Variants in FGF14 observed in about 807,000 individuals in gnomAD.
FGF14 encodes the protein fibroblast growth factor 14.
A neutral mutation model predicts 25.5 loss-of-function variants in FGF14; 5 were observed. The observed-to-expected ratio is 0.20, with a 90% CI of 0.10 to 0.41. FGF14 has a LOEUF of 0.41. FGF14 is among the 10% of genes least tolerant of loss of function. FGF14 has a pLI of 1.00. For synonymous variants in FGF14, 138 were observed against 118.3 expected (o/e 1.17, Z -1.08); for missense variants, 222 against 320.1 (o/e 0.69, Z 2.34).
intron 1 of FGF14, among the ~76,000 whole-genome samples, chr13:102,041,329 A>G (rs2041724690): frequency 6.6e-6 from 1 of 152,084 alleles, no homozygotes; most frequent in South Asian, 2.1e-4. Flanking sequence ...GTTATAGAAT[A>G]AACTTTAGAA....
intron 1 of FGF14, among the ~76,000 whole-genome samples, chr13:102,041,538 AAC>A (rs2041737944): frequency 1.4e-5 from 1 of 71,244 alleles, no homozygotes; most frequent in Non-Finnish European, 3.2e-5. Context: ...AAAAAAAAAA[AAC>A]AGTGTATGTT....
intron 1 of FGF14, among the ~76,000 whole-genome samples, chr13:101,980,745 A>T (rs186658679): frequency 1.3e-5 from 2 of 152,192 alleles, no homozygotes; most frequent in East Asian, 3.9e-4. Flanking sequence ...CTAATATTAC[A>T]TCTACATTTC....
intron 1 of FGF14, among the ~76,000 whole-genome samples, chr13:102,256,338 A>T (rs750731833): frequency 1.3e-5 from 2 of 152,040 alleles, no homozygotes; most frequent in Admixed American, 6.5e-5. Flanking sequence ...ACAAAAAAAA[A>T]TTAAAAAAAA....
intron 1 of FGF14, among the ~76,000 whole-genome samples, chr13:102,326,672 A>AGGGAGGGAAAGGGAGGAGAAGGGAG (rs1566938789): frequency 1.7e-5 from 1 of 60,222 alleles, no homozygotes; most frequent in Non-Finnish European, 3.1e-5. Context: ...AGGGAGGGGA[A>AGGGAGGGAAAGGGAGGAGAAGGGAG]GGGAAGGGAA....
intron 1 of FGF14, among the ~76,000 whole-genome samples, chr13:102,239,563 T>G (rs1318293170): frequency 1.3e-5 from 2 of 152,058 alleles, no homozygotes; most frequent in African/African-American, 4.8e-5. Context: ...AACTGCTAAA[T>G]GGGGAACATG....
At chr13:102,281,708 T>A (rs1038123964) in intron 1 of FGF14, among the ~76,000 whole-genome samples, 1 of 150,442 alleles carries the variant, frequency 6.6e-6, no homozygotes, top group Admixed American at 6.6e-5. Context: ...TTTTTTTTTT[T>A]AAGTTCAGAG....
intron 3 of FGF14, among the ~76,000 whole-genome samples, chr13:101,856,584 A>G (rs2044137286): frequency 6.6e-6 from 1 of 151,966 alleles, no homozygotes; most frequent in South Asian, 2.1e-4. Flanking sequence ...CCATTATTTT[A>G]CCATTTAACA....
At chr13:101,904,585 G>A (rs1175238683) in intron 1 of FGF14, among the ~76,000 whole-genome samples, 2 of 152,198 alleles carry the variant, frequency 1.3e-5, no homozygotes, top group Non-Finnish European at 2.9e-5. Context: ...GATTCTGCTG[G>A]AGAATTCATT....
upstream of FGF14, chr13:102,401,977 A>G (rs771213584): frequency 3.2e-5 from 14 of 439,270 alleles, no homozygotes; most frequent in Non-Finnish European, 5.8e-5. Flanking sequence ...GGATGGGTGG[A>G]TCTGCAGAAG....
chr13:102,152,522 C>T (rs1440431097), intron 1 of FGF14, among the ~76,000 whole-genome samples: 1 of 152,126 alleles, frequency 6.6e-6, no homozygotes. Flanking sequence ...CGCTGGTGAC[C>T]TAATTTTGAC....
At chr13:102,165,493 T>G (rs1594240125) in intron 1 of FGF14, among the ~76,000 whole-genome samples, 1 of 151,778 alleles carries the variant, frequency 6.6e-6, no homozygotes, top group East Asian at 1.9e-4. Flanking sequence ...CCATAAAAAA[T>G]GATGAGTTCA....
chr13:102,326,760 A>T (rs2056465143), intron 1 of FGF14, among the ~76,000 whole-genome samples: 1 of 94,648 alleles, frequency 1.1e-5, no homozygotes, highest in Non-Finnish European at 2.4e-5. Flanking sequence ...GGAAAGAGGG[A>T]GGGAAGGAAG....
chr13:102,336,019 T>A (rs2056778213), intron 1 of FGF14, among the ~76,000 whole-genome samples: 1 of 152,062 alleles, frequency 6.6e-6, no homozygotes, highest in South Asian at 2.1e-4. Context: ...CCCTCTCTAT[T>A]CCCTGAAACA....
chr13:102,203,492 A>C (rs903980024), intron 1 of FGF14, among the ~76,000 whole-genome samples: 2 of 152,210 alleles, frequency 1.3e-5, no homozygotes, highest in Non-Finnish European at 2.9e-5. Context: ...TTTAGTTATA[A>C]TTTTGTACAA....
At chr13:102,149,965 C>T (rs1375413638) in intron 1 of FGF14, among the ~76,000 whole-genome samples, 4 of 152,050 alleles carry the variant, frequency 2.6e-5, no homozygotes, top group Non-Finnish European at 5.9e-5. Context: ...AATTCGAAGA[C>T]AAAAATCATT....
At chr13:101,838,656 C>G (rs1053787812) in intron 3 of FGF14, among the ~76,000 whole-genome samples, 1 of 151,926 alleles carries the variant, frequency 6.6e-6, no homozygotes, top group Admixed American at 6.6e-5. Context: ...GGCACTGTGT[C>G]AAGTAGACCG....
chr13:101,774,641 A>G (rs1032127113), intron 3 of FGF14, among the ~76,000 whole-genome samples: 2 of 152,192 alleles, frequency 1.3e-5, no homozygotes, highest in African/African-American at 4.8e-5. Context: ...TATGCATGAT[A>G]GACAGAATCT....
chr13:102,004,826 A>G (rs1032281478), intron 1 of FGF14, among the ~76,000 whole-genome samples: 2 of 152,096 alleles, frequency 1.3e-5, no homozygotes, highest in African/African-American at 4.8e-5. Context: ...TGATGGTTTT[A>G]TATGGGGCTT....
At chr13:101,869,993 G>A (rs946286342) in intron 2 of FGF14, among the ~76,000 whole-genome samples, 4 of 152,102 alleles carry the variant, frequency 2.6e-5, no homozygotes, top group African/African-American at 9.7e-5. Flanking sequence ...AGATGTCTGT[G>A]CTACACAAAT....
Sources: allele counts gnomAD v4.1 joint callset (sites outside exome capture counted in the v4.1 genomes callset), GRCh38; gene constraint gnomAD v4.1.1; transcripts MANE v1.5; gene names NCBI Gene and HGNC (gene_info 2026-07-23, HGNC 2026-07-21).